DAB1: variants seen among roughly 807,000 people sequenced by gnomAD.
DAB1 encodes disabled homolog 1.
DAB1 carries 15 observed loss-of-function variants against 64.6 expected under a neutral mutation model. The ratio of observed to expected loss-of-function variants is 0.23; its 90% CI spans 0.16 to 0.36. The LOEUF is 0.36. Ranked by LOEUF, DAB1 falls within the 10% of genes least tolerant of loss-of-function variation. The pLI, the probability that DAB1 is intolerant of heterozygous loss-of-function variation, is 1.00. For synonymous variants in DAB1, 235 were observed against 251.9 expected (o/e 0.93, Z 0.64); for missense variants, 596 against 706.7 (o/e 0.84, Z 1.78).
chr1:57,526,128 G>A (rs894889815), intron 7 of DAB1, among the ~76,000 whole-genome samples: 2 of 151,536 alleles, frequency 1.3e-5, no homozygotes, highest in East Asian at 3.9e-4. Flanking sequence ...AGTAGAGACG[G>A]GGTTTCACCA....
intron 6 of DAB1, among the ~76,000 whole-genome samples, chr1:57,743,549 G>A (rs954594032): frequency 4.6e-5 from 7 of 152,182 alleles, no homozygotes; most frequent in South Asian, 2.1e-4. Context: ...CTCTCCACAC[G>A]GATGCGCGTG....
chr1:57,803,540 A>C (rs1238194090), intron 6 of DAB1, among the ~76,000 whole-genome samples: 1 of 152,220 alleles, frequency 6.6e-6, no homozygotes, highest in Admixed American at 6.5e-5. Context: ...ACAAACAACA[A>C]ATACCCAGCA....
rs191232854 is a variant in DAB1 at position 58,355,872 on chromosome 1, A to G, written n.258-12469T>C. Among the ~76,000 whole-genome samples, 668 of 152,338 alleles carry G rather than the reference A, an allele frequency of 4.4e-3. 3 individuals carry two copies. Among genetic ancestry groups the G allele is most frequent in the Admixed American group, 8.6e-3 (132 of 15,300 alleles). On this transcript the variant is annotated intron_variant and non_coding_transcript_variant, in intron 3 of 20. Transcript: ENST00000485760. ...TCAAGGGCACCCTGCTTAGATAGGC[A>G]TGGGTCTGATCAGCTGTATTAATAG... is the stretch of plus-strand genomic sequence containing the variant.
At chr1:58,538,907 T>C (rs374246130) in intron 1 of DAB1, 6 of 872,742 alleles carry the variant, frequency 6.9e-6, no homozygotes, top group East Asian at 2.4e-5. Flanking sequence ...ATAGCTCTTA[T>C]GGAAGCAGGG....
At chr1:57,408,690 T>C (rs186974656) in intron 1 of DAB1, among the ~76,000 whole-genome samples, 158 of 152,254 alleles carry the variant, frequency 1.0e-3, no homozygotes, top group Non-Finnish European at 2.0e-3. Context: ...GTAGGAGAAA[T>C]GAGGAGCTAA....
chr1:58,450,443 C>G (rs1238445058), intron 3 of DAB1, among the ~76,000 whole-genome samples: 1 of 152,018 alleles, frequency 6.6e-6, no homozygotes, highest in African/African-American at 2.4e-5. Context: ...TTTAGTGACT[C>G]GCTTCCAAAA....
intron 4 of DAB1, among the ~76,000 whole-genome samples, chr1:58,197,763 T>C (rs1004283772): frequency 4.7e-5 from 7 of 149,650 alleles, no homozygotes; most frequent in Non-Finnish European, 8.9e-5. Context: ...ATCAAGACCC[T>C]AGCAAAATTC....
At chr1:58,530,561 C>A in intron 1 of DAB1, 1 of 834,374 alleles carries the variant, frequency 1.2e-6, no homozygotes, top group Non-Finnish European at 2.1e-6. Flanking sequence ...ATATCTTCAC[C>A]AGAGGCTATG....
intron 6 of DAB1, among the ~76,000 whole-genome samples, chr1:57,695,369 A>AAAGGAAGGAAGGAAAG (rs1646822529): frequency 2.1e-5 from 1 of 48,656 alleles, no homozygotes; most frequent in African/African-American, 1.2e-4. Flanking sequence ...AAGAAGAAAG[A>AAAGGAAGGAAGGAAAG]AAGAAAGAAA....
chr1:57,068,823 A>T, intron 8 of DAB1, among the ~76,000 whole-genome samples: 1 of 152,296 alleles, frequency 6.6e-6, no homozygotes, highest in South Asian at 2.1e-4. Flanking sequence ...AAACAGAATT[A>T]AAATATCTAG....
At chr1:57,695,372 GAAAGAAAGAAAGAAAGA>G (rs1365147562) in intron 6 of DAB1, among the ~76,000 whole-genome samples, 67 of 54,234 alleles carry the variant, frequency 1.2e-3, no homozygotes, top group African/African-American at 1.9e-3. Context: ...AAGAAAGAAA[GAAAGAAAGAAAGAAAGA>G]AAGAAAGAAA....
intron 7 of DAB1, among the ~76,000 whole-genome samples, chr1:57,435,997 A>C (rs1046317154): frequency 6.7e-6 from 1 of 149,318 alleles, no homozygotes; most frequent in African/African-American, 2.5e-5. Flanking sequence ...GCTTACTGCA[A>C]CTTCTGCCTC....
At chr1:57,630,512 G>T (rs953829796) in intron 7 of DAB1, among the ~76,000 whole-genome samples, 1 of 152,082 alleles carries the variant, frequency 6.6e-6, no homozygotes, top group Non-Finnish European at 1.5e-5. Context: ...TATATAAAAG[G>T]GTAGGGTTAT....
chr1:57,411,617 G>T (rs191680067), intron 1 of DAB1, among the ~76,000 whole-genome samples: 153 of 152,336 alleles, frequency 1.0e-3, no homozygotes, highest in Non-Finnish European at 1.9e-3. Context: ...GAAACCCAGA[G>T]ATGTCTTTCA....
intron 5 of DAB1, among the ~76,000 whole-genome samples, chr1:57,995,083 C>T (rs2100386571): frequency 6.6e-6 from 1 of 152,256 alleles, no homozygotes; most frequent in African/African-American, 2.4e-5. Flanking sequence ...GTTACCACCC[C>T]TCTCTGGGCC....
intron 2 of DAB1, among the ~76,000 whole-genome samples, chr1:57,244,558 T>C (rs560850648): frequency 1.1e-4 from 16 of 152,350 alleles, no homozygotes; most frequent in Non-Finnish European, 1.9e-4. Flanking sequence ...AAACTCTGTC[T>C]TGAGACATGC....
chr1:57,683,652 G>C (rs1646662568), intron 6 of DAB1, among the ~76,000 whole-genome samples: 1 of 152,180 alleles, frequency 6.6e-6, no homozygotes, highest in East Asian at 1.9e-4. Context: ...ATGCCACAGT[G>C]AAAGGAACAC....
At position 57,285,472 on chromosome 1, in the gene DAB1, C is replaced by A. The variant is rs532160960; in HGVS notation, c.67+5492G>T. On this transcript the variant is annotated intron_variant, in intron 2 of 14. Coordinates refer to ENST00000371236, the MANE Select transcript of DAB1 (RefSeq NM_001365792.1). Reference sequence around the variant, plus strand: ...ATTTTTAGTAGAGACAGGGTTTCACCATGTTGGCCAGGTTGGTCTCGAACA... The same window carrying A: ...ATTTTTAGTAGAGACAGGGTTTCACAATGTTGGCCAGGTTGGTCTCGAACA... 6.6e-5 allele frequency among the ~76,000 whole-genome samples: 10 copies of A among 152,144 alleles called. No homozygotes were observed. In the South Asian group the frequency reaches 2.1e-3, roughly 32 times the overall value.
At chr1:58,496,130 T>C (rs74353304) in intron 3 of DAB1, among the ~76,000 whole-genome samples, 1,547 of 152,258 alleles carry the variant, frequency 0.01, 26 homozygotes, top group African/African-American at 0.036. Context: ...GCAGCTTGGA[T>C]TTCCTGGTGC....
Sources: gnomAD v4.1 joint callset for allele counts (sites outside exome capture counted in the v4.1 genomes callset) on GRCh38, gnomAD v4.1.1 for gene constraint, MANE v1.5 for transcripts, NCBI Gene and HGNC (gene_info 2026-07-23, HGNC 2026-07-21) for gene names.